Variants in SLC14A2 observed in about 807,000 individuals in gnomAD.
SLC14A2 encodes the protein solute carrier family 14 member 2, also known as urea transporter 2.
In SLC14A2, 91 loss-of-function variants were observed where a neutral mutation model predicts 104.6. That is an observed-to-expected ratio of 0.87 (90% confidence interval 0.73 to 1.04). SLC14A2 has a LOEUF of 1.04. SLC14A2 is among the 50% of genes least tolerant of loss of function. The pLI is 0.00. For synonymous variants in SLC14A2, 476 were observed against 466.4 expected (o/e 1.02, Z -0.27); for missense variants, 1,189 against 1,156.0 (o/e 1.03, Z -0.41).
At chr18:45,449,512 C>T (rs1032908533) in intron 1 of SLC14A2, among the ~76,000 whole-genome samples, 12 of 152,162 alleles carry the variant, frequency 7.9e-5, no homozygotes, top group Non-Finnish European at 1.3e-4. Flanking sequence ...CCTTTTCCTA[C>T]ATCTTCCCCC....
At chr18:45,262,472 C>G (rs189421454) in intron 1 of SLC14A2, among the ~76,000 whole-genome samples, 1 of 152,142 alleles carries the variant, frequency 6.6e-6, no homozygotes, top group Non-Finnish European at 1.5e-5. Flanking sequence ...CATTCTGGTC[C>G]GGACTCTCAT....
At chr18:45,310,121 A>C (rs1248632604) in intron 1 of SLC14A2, among the ~76,000 whole-genome samples, 1 of 152,200 alleles carries the variant, frequency 6.6e-6, no homozygotes, top group Admixed American at 6.5e-5. Flanking sequence ...GTCGATGGAC[A>C]TTTAGGTTCT....
chr18:45,372,083 G>A (rs1279155681), intron 1 of SLC14A2, among the ~76,000 whole-genome samples: 1 of 152,070 alleles, frequency 6.6e-6, no homozygotes, highest in East Asian at 1.9e-4. Flanking sequence ...AGGCTGAGGT[G>A]GGCAGATCAC....
intron 10 of SLC14A2, among the ~76,000 whole-genome samples, chr18:45,653,950 G>A (rs2045785076): frequency 6.6e-6 from 1 of 152,306 alleles, no homozygotes; most frequent in African/African-American, 2.4e-5. Context: ...GGCAAATGCT[G>A]GAGCGAGAAT....
chr18:45,307,232 C>T (rs1042096711), intron 1 of SLC14A2, among the ~76,000 whole-genome samples: 7 of 151,920 alleles, frequency 4.6e-5, no homozygotes, highest in Non-Finnish European at 8.8e-5. Flanking sequence ...GCCTGGCCAA[C>T]ATGGTAAAAC....
intron 1 of SLC14A2, among the ~76,000 whole-genome samples, chr18:45,386,129 T>C (rs1053830082): frequency 1.3e-5 from 2 of 152,136 alleles, no homozygotes; most frequent in Non-Finnish European, 2.9e-5. Context: ...AGCCAAGTTA[T>C]GGAGGTGAAA....
chr18:45,226,332 G>T (rs2084116295), intron 1 of SLC14A2, among the ~76,000 whole-genome samples: 2 of 152,076 alleles, frequency 1.3e-5, no homozygotes. Context: ...TATACCCAAA[G>T]GATTATAAAT....
intron 1 of SLC14A2, among the ~76,000 whole-genome samples, chr18:45,348,750 G>A (rs1294781924): frequency 2.6e-5 from 4 of 152,168 alleles, no homozygotes; most frequent in African/African-American, 7.2e-5. Flanking sequence ...GAGCCCCAGA[G>A]AACTGGAGTG....
the SLC14A2 span, among the ~76,000 whole-genome samples, chr18:45,195,377 A>G: frequency 1.3e-5 from 2 of 151,896 alleles, no homozygotes; most frequent in African/African-American, 4.8e-5. Context: ...GCAGATACCA[A>G]ATGATTGGGG....
chr18:45,203,760 A>C, the SLC14A2 span, among the ~76,000 whole-genome samples: 1 of 152,356 alleles, frequency 6.6e-6, no homozygotes, highest in South Asian at 2.1e-4. Flanking sequence ...TATAGTGTTA[A>C]AAATATCATC....
At chr18:45,209,822 TAATTG>T (rs2083947477), upstream of SLC14A2, among the ~76,000 whole-genome samples, 1 of 152,204 alleles carries the variant, frequency 6.6e-6, no homozygotes, top group Admixed American at 6.5e-5. Context: ...AGGCAATAAT[TAATTG>T]GTCACAACCA....
intron 1 of SLC14A2, among the ~76,000 whole-genome samples, chr18:45,237,980 C>A (rs2084273055): frequency 6.6e-6 from 1 of 152,222 alleles, no homozygotes; most frequent in South Asian, 2.1e-4. Context: ...TTAATGACAT[C>A]TTTTATTTAC....
chr18:45,380,200 G>A (rs2085819199), intron 1 of SLC14A2, among the ~76,000 whole-genome samples: 2 of 152,168 alleles, frequency 1.3e-5, no homozygotes, highest in Non-Finnish European at 1.5e-5. Flanking sequence ...AGAACCAGGG[G>A]CTAAATATCA....
At chr18:45,574,951 G>A (rs536296758) in intron 2 of SLC14A2, among the ~76,000 whole-genome samples, 3 of 152,146 alleles carry the variant, frequency 2.0e-5, no homozygotes, top group Non-Finnish European at 2.9e-5. Flanking sequence ...GTCCTGAAAT[G>A]TACACATCAC....
intron 4 of SLC14A2, among the ~76,000 whole-genome samples, chr18:45,628,312 C>T (rs1376421656): frequency 3.3e-5 from 5 of 151,928 alleles, no homozygotes; most frequent in East Asian, 3.9e-4. Context: ...GGCGTGGTGG[C>T]GCTTGCCTGT....
At chr18:45,446,606 C>T (rs894889739) in intron 1 of SLC14A2, among the ~76,000 whole-genome samples, 3 of 152,208 alleles carry the variant, frequency 2.0e-5, no homozygotes, top group Non-Finnish European at 4.4e-5. Flanking sequence ...GCAGATCTAT[C>T]TATCAATACT....
chr18:45,187,307 C>T, the SLC14A2 span, among the ~76,000 whole-genome samples: 1 of 152,012 alleles, frequency 6.6e-6, no homozygotes, highest in Non-Finnish European at 1.5e-5. Flanking sequence ...CTTCACATTG[C>T]CAGGGACCAT....
chr18:45,408,811 C>G (rs1017713765), intron 1 of SLC14A2, among the ~76,000 whole-genome samples: 3 of 151,812 alleles, frequency 2.0e-5, no homozygotes, highest in Non-Finnish European at 4.4e-5. Context: ...AAAAGAGGAC[C>G]CAGAATATGG....
chr18:45,625,745 T>TA lies in SLC14A2; in HGVS notation c.217dup (p.Arg73LysfsTer150), dbSNP rs2045247026. The TA allele has an allele frequency of 1.3e-6, 2 of 1,563,788 alleles. No homozygotes were observed. Among genetic ancestry groups the TA allele is most frequent in the Non-Finnish European group, 1.7e-6 (2 of 1,160,142 alleles). ...AGATCGAAAAGCTCAATGAAAGGAG[T>TA]AAAAGGAAAGACGACGGGGTGGCCC... On this transcript the variant is annotated frameshift_variant, in exon 3 of 20. Coordinates refer to ENST00000255226, the MANE Select transcript of SLC14A2 (RefSeq NM_007163.4). LOFTEE classifies it high-confidence loss of function.
Sources: allele counts gnomAD v4.1 joint callset (sites outside exome capture counted in the v4.1 genomes callset), GRCh38; gene constraint gnomAD v4.1.1; transcripts MANE v1.5; gene names NCBI Gene and HGNC (gene_info 2026-07-23, HGNC 2026-07-21).